AURKA: variants seen among roughly 807,000 people sequenced by gnomAD.
The protein encoded by AURKA is aurora kinase A, also known as aurora 2.
A neutral mutation model predicts 40.9 loss-of-function variants in AURKA; 12 were observed. The ratio of observed to expected loss-of-function variants is 0.29; its 90% CI spans 0.19 to 0.48. The LOEUF is 0.48. Ranked by LOEUF, AURKA falls within the 20% of genes least tolerant of loss-of-function variation. The pLI is 0.99. For synonymous variants in AURKA, 170 were observed against 164.3 expected (o/e 1.03, Z -0.26); for missense variants, 322 against 462.1 (o/e 0.70, Z 2.78).
chr20:56,370,352 C>T lies in AURKA; in HGVS notation c.1030-12G>A, dbSNP rs372383100. 51 of 1,614,004 alleles carry T rather than the reference C, an allele frequency of 3.2e-5. No homozygotes were observed. Among genetic ancestry groups the T allele is most frequent in the Non-Finnish European group, 4.2e-5 (50 of 1,180,014 alleles). On this transcript the variant is annotated splice_polypyrimidine_tract_variant and intron_variant, in intron 8 of 8. Transcript: ENST00000395915. ...AATGTGAATTCAACCTGGAGTACAA[C>T]AAATGATAAAATATCACAAAACACA...
At chr20:56,390,450 G>C (rs1048055459) in intron 1 of AURKA, 1 of 152,070 alleles carries the variant, frequency 6.6e-6, no homozygotes, top group Non-Finnish European at 1.5e-5. Context: ...TGGGATTACA[G>C]ACATGCACCA....
chr20:56,378,326 G>A (rs1985218913), intron 6 of AURKA, among the ~76,000 whole-genome samples: 1 of 152,146 alleles, frequency 6.6e-6, no homozygotes, highest in Admixed American at 6.5e-5. Context: ...GTGCTTATGT[G>A]CACTTCCTTT....
Position 56,381,443 on chromosome 20 carries a change from C to A in AURKA, c.695G>T (p.Arg232Ile). 1.2e-6 allele frequency: 2 copies of A among 1,612,898 alleles called. No individual in the cohort carries two copies. Among genetic ancestry groups the A allele is most frequent in the South Asian group, 1.1e-5 (1 of 91,000 alleles). The change falls in exon 6 of 9, where the codon AGA becomes ATA. Residue 232 changes from arginine (R) to isoleucine (I), a missense_variant. By Grantham distance (97) the Arg-to-Ile change is moderately conservative. Coordinates refer to ENST00000395915, the MANE Select transcript of AURKA (RefSeq NM_198437.3). ...LQKLSKFDEQ[R>I]TATYITELAN... ...TAAATGAACACTTACAGTAGCAGTT[C>A]TCTGCTCATCAAACTTTGAAAGTTT...
rs753998309 is a variant in AURKA, at chr20:56,384,241, T to G, written c.374+29A>C. Reference sequence around the variant, plus strand: ...GAAATAATATATTCTAGTAGAACAGTACAGAACTTTGTAAATAAGAAAGCT... The same window carrying G: ...GAAATAATATATTCTAGTAGAACAGGACAGAACTTTGTAAATAAGAAAGCT... On this transcript the variant is annotated intron_variant, in intron 4 of 8. Transcript: ENST00000395915. The G allele has an allele frequency of 1.9e-6, 3 of 1,564,062 alleles. No homozygotes were observed. The South Asian group carries it at 3.3e-5, about 17-fold the overall frequency.
In AURKA at chr20:56,383,093, T is replaced by C; in HGVS notation, c.458A>G (p.Lys153Arg). 2 of 1,614,256 alleles carry C rather than the reference T, an allele frequency of 1.2e-6. No individual in the cohort carries two copies. The highest frequency in any genetic ancestry group is 2.2e-5 in the South Asian group (2 of 91,090). Residue 153 changes from lysine (K) to arginine (R), a missense_variant, in exon 5 of 9, where the codon AAG (lysine) becomes AGG (arginine). By Grantham distance (26) the Lys-to-Arg change is conservative (BLOSUM62 2). Transcript: ENST00000395915. ...KFGNVYLARE[K>R]QSKFILALKV... is the part of the protein sequence containing the mutation. ...AAGAGCCAGAATAAACTTGCTTTGC[T>C]TTTCTCTTGCCAAATAAACATTACC...
chr20:56,375,655 G>T (rs959844578), intron 6 of AURKA, among the ~76,000 whole-genome samples: 1 of 152,156 alleles, frequency 6.6e-6, no homozygotes, highest in Non-Finnish European at 1.5e-5. Flanking sequence ...CAAAACCGGA[G>T]ATCAAAATTC....
intron 5 of AURKA, 46 bp downstream of exon 5, chr20:56,382,939 T>C: frequency 6.2e-7 from 1 of 1,600,212 alleles, no homozygotes; most frequent in Non-Finnish European, 8.6e-7. Context: ...GGGGGAGGGG[T>C]GCAGCATTGG....
chr20:56,389,296 T>C (rs1013575146), intron 1 of AURKA, among the ~76,000 whole-genome samples: 1 of 152,128 alleles, frequency 6.6e-6, no homozygotes, highest in Admixed American at 6.5e-5. Flanking sequence ...TGAGGACCAC[T>C]CAAAGTGCGT....
intron 6 of AURKA, among the ~76,000 whole-genome samples, chr20:56,376,676 T>G (rs1266748098): frequency 6.6e-6 from 1 of 151,604 alleles, no homozygotes; most frequent in Non-Finnish European, 1.5e-5. Context: ...CGGCCCAAAC[T>G]AAGACTCTTC....
At chr20:56,385,410 G>A (rs571642327) in intron 3 of AURKA, among the ~76,000 whole-genome samples, 2 of 151,940 alleles carry the variant, frequency 1.3e-5, no homozygotes, top group East Asian at 3.9e-4. Context: ...TTCCTGTCTG[G>A]TACTCCTAAA....
intron 1 of AURKA, among the ~76,000 whole-genome samples, chr20:56,389,241 A>G (rs1986751602): frequency 6.6e-6 from 1 of 151,970 alleles, no homozygotes; most frequent in African/African-American, 2.4e-5. Flanking sequence ...CTACACCTTC[A>G]CCAGGGATCC....
intron 7 of AURKA, among the ~76,000 whole-genome samples, chr20:56,372,225 A>G (rs768371559): frequency 2.0e-5 from 3 of 152,094 alleles, no homozygotes; most frequent in Non-Finnish European, 2.9e-5. Context: ...GTCACTCACC[A>G]CTGAATTGTG....
chr20:56,382,848 G>A (rs1985895045), intron 5 of AURKA, 137 bp downstream of exon 5: 18 of 871,916 alleles, frequency 2.1e-5, no homozygotes, highest in Non-Finnish European at 3.4e-5. Context: ...GGGAGGTGAG[G>A]AACGGGGCCA....
At chr20:56,389,554 G>A (rs1240917141) in intron 1 of AURKA, among the ~76,000 whole-genome samples, 3 of 152,122 alleles carry the variant, frequency 2.0e-5, no homozygotes, top group African/African-American at 7.2e-5. Context: ...TCTACAGGCT[G>A]AGGACTCCCA....
In AURKA at chr20:56,386,155, T is replaced by C. The variant is rs1054625522; in HGVS notation, c.319+102A>G. ...ATTTTCTCCCCATCCTCAACAGATA[T>C]AAAAGCTAAGGCTCCAAACAATAAG... On this transcript the variant is annotated intron_variant, in intron 3 of 8. Transcript: ENST00000395915. 5.3e-6 allele frequency: 8 copies of C among 1,510,886 alleles called. No homozygotes were observed. In the Admixed American group the frequency reaches 6.7e-5, roughly 13 times the overall value. 93.6% of individuals were successfully genotyped at this position (1,510,886 alleles called of 1,614,324 possible).
At position 56,381,448 on chromosome 20, in the gene AURKA, C is replaced by T. The variant is rs749222324; in HGVS notation, c.690G>A (p.Glu230=). Residue 230 remains glutamate (E), a synonymous_variant, in exon 6 of 9, where the codon GAG becomes GAA. Coordinates refer to ENST00000395915, the MANE Select transcript of AURKA (RefSeq NM_198437.3). ...RELQKLSKFD[E]QRTATYITEL... is the part of the protein sequence containing the mutation. ...GAACACTTACAGTAGCAGTTCTCTG[C>T]TCATCAAACTTTGAAAGTTTCTGAA... The T allele has an allele frequency of 1.5e-5, 25 of 1,612,956 alleles. No homozygotes were observed. The Admixed American group carries it at 3.8e-4, about 25-fold the overall frequency.
intron 6 of AURKA, among the ~76,000 whole-genome samples, chr20:56,381,174 CTATATACAT>C (rs1411917326): frequency 6.6e-6 from 1 of 152,104 alleles, no homozygotes; most frequent in Non-Finnish European, 1.5e-5. Context: ...GGGTGACTAT[CTATATACAT>C]TATATACATT....
intron 7 of AURKA, among the ~76,000 whole-genome samples, chr20:56,371,415 C>T (rs970021485): frequency 2.0e-5 from 3 of 151,182 alleles, no homozygotes; most frequent in Admixed American, 6.6e-5. Context: ...GAGCCAAGAT[C>T]GCACCACTGC....
intron 6 of AURKA, among the ~76,000 whole-genome samples, chr20:56,377,860 G>T (rs2426615): frequency 0.02 from 2,980 of 152,204 alleles, 77 homozygotes; most frequent in East Asian, 0.12. Flanking sequence ...ACCACCACAT[G>T]CCGATTAGAA....
Sources: gnomAD v4.1 joint callset for allele counts (sites outside exome capture counted in the v4.1 genomes callset) on GRCh38, gnomAD v4.1.1 for gene constraint, MANE v1.5 for transcripts, NCBI Gene and HGNC (gene_info 2026-07-23, HGNC 2026-07-21) for gene names.